The following SOBP variants were observed in gnomAD, a reference collection of about 807,000 sequenced individuals.
SOBP encodes the protein sine oculis-binding protein homolog.
SOBP carries 4 observed loss-of-function variants against 53.6 expected under a neutral mutation model. That is an observed-to-expected ratio of 0.07 (90% CI 0.04 to 0.17). The LOEUF is 0.17. SOBP is among the 10% of genes least tolerant of loss of function. SOBP has a pLI of 1.00. For missense variants in SOBP, 1,088 were observed against 1,204.7 expected (o/e 0.90, Z 1.43); for synonymous variants, 584 against 522.6 (o/e 1.12, Z -1.60).
At chr6:107,632,251 A>G (rs772898418) in intron 5 of SOBP, among the ~76,000 whole-genome samples, 4 of 152,066 alleles carry the variant, frequency 2.6e-5, no homozygotes, top group Non-Finnish European at 5.9e-5. Context: ...CTCAAATTCA[A>G]TAGACTCACC....
In SOBP at chr6:107,533,447, C is replaced by A; in HGVS notation, c.422-12C>A. Reference sequence around the variant, plus strand: ...TTCTGATATGAACATTTTTCTTATACTTTTATTATAGAAGATGATGTGTCA... The same window carrying A: ...TTCTGATATGAACATTTTTCTTATAATTTTATTATAGAAGATGATGTGTCA... On this transcript the variant is annotated splice_polypyrimidine_tract_variant and intron_variant, in intron 3 of 6. Coordinates refer to ENST00000317357, the MANE Select transcript of SOBP (RefSeq NM_018013.4). 3 of 1,613,832 alleles carry A rather than the reference C, an allele frequency of 1.9e-6. No individual in the cohort carries two copies. Among genetic ancestry groups the A allele is most frequent in the Non-Finnish European group, 2.5e-6 (3 of 1,179,890 alleles).
intron 3 of SOBP, among the ~76,000 whole-genome samples, chr6:107,509,494 T>A (rs7755026): frequency 0.086 from 13,015 of 151,762 alleles, 763 homozygotes; most frequent in South Asian, 0.15. Context: ...TTTTTTGCCC[T>A]AGAGTTATCA....
intron 1 of SOBP, among the ~76,000 whole-genome samples, chr6:107,501,891 A>G (rs1322618988): frequency 6.6e-6 from 1 of 152,172 alleles, no homozygotes; most frequent in African/African-American, 2.4e-5. Flanking sequence ...TGTGGACACG[A>G]CCAGCCATCA....
At chr6:107,579,046 T>A (rs1785323460) in intron 4 of SOBP, among the ~76,000 whole-genome samples, 1 of 152,232 alleles carries the variant, frequency 6.6e-6, no homozygotes. Context: ...AAGGATTTTG[T>A]GGGTGCCAAC....
intron 4 of SOBP, among the ~76,000 whole-genome samples, chr6:107,583,688 G>T (rs1253000016): frequency 6.6e-6 from 1 of 152,060 alleles, no homozygotes; most frequent in Non-Finnish European, 1.5e-5. Context: ...ACCACACCTG[G>T]CTAGTTTTTG....
intron 6 of SOBP, among the ~76,000 whole-genome samples, chr6:107,638,602 G>A (rs956304652): frequency 3.3e-5 from 5 of 152,164 alleles, no homozygotes; most frequent in Non-Finnish European, 7.3e-5. Context: ...AATTGGAAGT[G>A]TATCCACTAA....
chr6:107,616,089 G>GT (rs1163707315), intron 5 of SOBP, among the ~76,000 whole-genome samples: 3 of 128,216 alleles, frequency 2.3e-5, no homozygotes, highest in Non-Finnish European at 3.3e-5. Flanking sequence ...GGGGGTGGGG[G>GT]GGGGGCGGGG....
intron 6 of SOBP, among the ~76,000 whole-genome samples, chr6:107,646,132 AT>A (rs928863452): frequency 2.0e-5 from 3 of 152,260 alleles, no homozygotes; most frequent in Non-Finnish European, 2.9e-5. Context: ...TGATGGTTGC[AT>A]TCTGATGGCA....
chr6:107,546,574 C>T (rs1784305807), intron 4 of SOBP, among the ~76,000 whole-genome samples: 1 of 152,166 alleles, frequency 6.6e-6, no homozygotes, highest in Admixed American at 6.5e-5. Context: ...CGCCTGCACT[C>T]ATGTGCACAC....
intron 3 of SOBP, among the ~76,000 whole-genome samples, chr6:107,523,383 T>A (rs1167488917): frequency 1.3e-5 from 2 of 152,364 alleles, no homozygotes; most frequent in African/African-American, 4.8e-5. Flanking sequence ...TGAAGTAAAT[T>A]ATTTTGTTGA....
chr6:107,530,759 A>G (rs1186389887), intron 3 of SOBP, among the ~76,000 whole-genome samples: 1 of 152,208 alleles, frequency 6.6e-6, no homozygotes, highest in Non-Finnish European at 1.5e-5. Context: ...TTATTTAACA[A>G]GGCAGATGCT....
At chr6:107,513,031 T>C (rs1783215711) in intron 3 of SOBP, among the ~76,000 whole-genome samples, 1 of 152,232 alleles carries the variant, frequency 6.6e-6, no homozygotes, top group African/African-American at 2.4e-5. Context: ...AAGTGTCTTT[T>C]ACCTCAAATG....
intron 3 of SOBP, chr6:107,511,287 G>A (rs1783161721): frequency 6.6e-6 from 1 of 152,126 alleles, no homozygotes; most frequent in Non-Finnish European, 1.5e-5. Context: ...ACTACTTCCA[G>A]ATACCCCAAT....
At chr6:107,536,779 T>C (rs1221580708) in intron 4 of SOBP, among the ~76,000 whole-genome samples, 19 of 152,210 alleles carry the variant, frequency 1.2e-4, no homozygotes, top group Admixed American at 1.2e-3. Flanking sequence ...CACAGCTGTA[T>C]TCACTTAAGG....
rs1266971467 is a variant in SOBP at position 107,633,991 on chromosome 6, C to T, written c.1147C>T (p.Pro383Ser). The T allele has an allele frequency of 3.7e-6, 6 of 1,613,944 alleles. No individual in the cohort carries two copies. Among genetic ancestry groups the T allele is most frequent in the Non-Finnish European group, 5.1e-6 (6 of 1,179,916 alleles). Residue 383 changes from proline (P) to serine (S), a missense_variant, in exon 6 of 7, where the codon CCT (proline) becomes TCT (serine). This residue lies in a region of SOBP where 211 missense variants were observed against 258.9 expected (regional missense o/e 0.82). Transcript: ENST00000317357. ...TCCCCTTGGCGTCCCGCCTCGGAGC[C>T]CTCCCATGGTGATGACCAACCGCGG... ...GPPLGVPPRS[P>S]PMVMTNRGPV...
chr6:107,626,207 T>C (rs776736968), intron 5 of SOBP, among the ~76,000 whole-genome samples: 1 of 152,108 alleles, frequency 6.6e-6, no homozygotes, highest in African/African-American at 2.4e-5. Flanking sequence ...ATTGAGACAG[T>C]AGATATTAAG....
Position 107,566,334 on chromosome 6 carries a change from T to G in SOBP, c.574-20746T>G, listed in dbSNP as rs374331711. Among the ~76,000 whole-genome samples the G allele has an allele frequency of 5.9e-4, 90 of 152,352 alleles. 1 individual carries two copies. The South Asian group carries it at 0.018, about 31-fold the overall frequency. On this transcript the variant is annotated intron_variant, in intron 4 of 6. Coordinates refer to ENST00000317357, the MANE Select transcript of SOBP (RefSeq NM_018013.4). The stretch of plus-strand genomic sequence containing the variant: ...GATACTTGATTGTTTTCAAAATCCT[T>G]ATGTTTGTTCACTTGAGACTCTTTT...
intron 5 of SOBP, among the ~76,000 whole-genome samples, chr6:107,599,204 A>C (rs1786060111): frequency 6.6e-6 from 1 of 152,188 alleles, no homozygotes; most frequent in African/African-American, 2.4e-5. Flanking sequence ...GTAAAACAGA[A>C]AGAATAACTG....
At chr6:107,576,436 A>G (rs528945953) in intron 4 of SOBP, among the ~76,000 whole-genome samples, 1 of 152,336 alleles carries the variant, frequency 6.6e-6, no homozygotes, top group African/African-American at 2.4e-5. Context: ...ACATTATGCA[A>G]TGCTGACTGT....
Sources: gnomAD v4.1 joint callset for allele counts (sites outside exome capture counted in the v4.1 genomes callset) on GRCh38, gnomAD v4.1.1 for gene constraint, gnomAD v4.1.1 regional missense constraint, MANE v1.5 for transcripts, NCBI Gene and HGNC (gene_info 2026-07-23, HGNC 2026-07-21) for gene names.